Variants in CTNNA2 observed in about 807,000 individuals in gnomAD.
CTNNA2 encodes the protein catenin alpha-2.
Under a neutral mutation model 101.0 loss-of-function variants are expected in CTNNA2, and 42 were observed. That is an observed-to-expected ratio of 0.42 (90% CI 0.32 to 0.54). CTNNA2 has a LOEUF of 0.54. Among genes scored for constraint, CTNNA2 ranks in the 20% least tolerant of loss-of-function variants. The pLI is 0.14. For missense variants in CTNNA2, 871 were observed against 1,223.1 expected, an observed-to-expected ratio of 0.71 and a Z score of 4.29; for synonymous variants, 450 against 456.4, an observed-to-expected ratio of 0.99 and a Z score of 0.18.
At chr2:79,248,833 G>A (rs567206064) in intron 2 of CTNNA2, among the ~76,000 whole-genome samples, 1 of 152,300 alleles carries the variant, frequency 6.6e-6, no homozygotes, top group South Asian at 2.1e-4. Flanking sequence ...GTATGTGTAT[G>A]AATGAGACAC....
chr2:80,504,287 G>C (rs1688094282), intron 9 of CTNNA2, among the ~76,000 whole-genome samples: 1 of 152,132 alleles, frequency 6.6e-6, no homozygotes, highest in African/African-American at 2.4e-5. Flanking sequence ...GATGTTCCTT[G>C]CCACATGGTT....
intron 4 of CTNNA2, among the ~76,000 whole-genome samples, chr2:79,465,598 T>G (rs1670925289): frequency 6.6e-6 from 1 of 152,210 alleles, no homozygotes; most frequent in Admixed American, 6.5e-5. Context: ...ATGATATTGA[T>G]TCTTTCTATC....
At chr2:79,839,312 G>A (rs1015427421) in intron 3 of CTNNA2, among the ~76,000 whole-genome samples, 1 of 151,914 alleles carries the variant, frequency 6.6e-6, no homozygotes, top group Non-Finnish European at 1.5e-5. Context: ...ATTGTGTTGT[G>A]TCTGTCTTTT....
At chr2:79,626,969 G>A (rs1191605375) in intron 1 of CTNNA2, among the ~76,000 whole-genome samples, 3 of 152,114 alleles carry the variant, frequency 2.0e-5, no homozygotes, top group East Asian at 3.9e-4. Flanking sequence ...CCTGAGCATC[G>A]ATTGTGACTC....
chr2:79,889,998 C>T (rs1684189014), intron 6 of CTNNA2, among the ~76,000 whole-genome samples: 1 of 152,174 alleles, frequency 6.6e-6, no homozygotes, highest in Non-Finnish European at 1.5e-5. Flanking sequence ...AAGAGTGATT[C>T]TTAACGTGAG....
intron 1 of CTNNA2, among the ~76,000 whole-genome samples, chr2:79,544,582 T>A (rs540905366): frequency 6.6e-6 from 1 of 152,242 alleles, no homozygotes; most frequent in Non-Finnish European, 1.5e-5. Flanking sequence ...AAATAAGCTT[T>A]TTATGAAAGT....
chr2:79,360,390 A>G (rs1001139629), intron 3 of CTNNA2, among the ~76,000 whole-genome samples: 1 of 152,196 alleles, frequency 6.6e-6, no homozygotes, highest in African/African-American at 2.4e-5. Flanking sequence ...ACCAAGGAGC[A>G]TATATATTCT....
intron 3 of CTNNA2, among the ~76,000 whole-genome samples, chr2:79,786,685 A>G (rs1236481289): frequency 6.6e-6 from 1 of 152,110 alleles, no homozygotes; most frequent in Non-Finnish European, 1.5e-5. Context: ...GAGGAGTACC[A>G]TCCCATACCT....
chr2:79,637,732 G>C (rs768349202), intron 1 of CTNNA2, among the ~76,000 whole-genome samples: 1 of 152,134 alleles, frequency 6.6e-6, no homozygotes, highest in Admixed American at 6.5e-5. Context: ...TTCTTAGCCT[G>C]TTCTGCCCCA....
chr2:79,951,485 G>A (rs941561713), intron 7 of CTNNA2, among the ~76,000 whole-genome samples: 3 of 152,034 alleles, frequency 2.0e-5, no homozygotes, highest in Non-Finnish European at 2.9e-5. Flanking sequence ...GGCCAGCATG[G>A]TGAAACCCCA....
At chr2:79,379,187 G>A (rs920410674) in intron 4 of CTNNA2, among the ~76,000 whole-genome samples, 23 of 152,114 alleles carry the variant, frequency 1.5e-4, no homozygotes, top group Admixed American at 2.0e-4. Context: ...AATATATTCC[G>A]TATTACAAAA....
At chr2:80,256,408 A>T (rs1672153316) in intron 7 of CTNNA2, among the ~76,000 whole-genome samples, 1 of 152,156 alleles carries the variant, frequency 6.6e-6, no homozygotes, top group African/African-American at 2.4e-5. Flanking sequence ...CAGCTGCGGC[A>T]CATCTGAATA....
chr2:80,325,060 G>T (rs1316225174), intron 7 of CTNNA2, among the ~76,000 whole-genome samples: 2 of 152,046 alleles, frequency 1.3e-5, no homozygotes, highest in Non-Finnish European at 2.9e-5. Flanking sequence ...GAGAACAGGG[G>T]TTTCAATGCT....
At chr2:79,884,751 C>G (rs1275411051) in intron 6 of CTNNA2, among the ~76,000 whole-genome samples, 2 of 138,406 alleles carry the variant, frequency 1.4e-5, no homozygotes, top group Non-Finnish European at 3.1e-5. Flanking sequence ...TTTAAATATG[C>G]TTTTTTTTTT....
intron 4 of CTNNA2, among the ~76,000 whole-genome samples, chr2:79,453,190 TC>T (rs1270215267): frequency 2.0e-5 from 3 of 152,118 alleles, no homozygotes; most frequent in Non-Finnish European, 2.9e-5. Context: ...ACAATTAATG[TC>T]TTATATAAAT....
At chr2:80,587,639 A>C (rs966920652) in intron 14 of CTNNA2, among the ~76,000 whole-genome samples, 1 of 152,090 alleles carries the variant, frequency 6.6e-6, no homozygotes, top group Non-Finnish European at 1.5e-5. Context: ...CCTCTATTAG[A>C]CCTTAGTTAT....
intron 7 of CTNNA2, among the ~76,000 whole-genome samples, chr2:80,347,771 T>C (rs1388668357): frequency 1.3e-5 from 2 of 152,108 alleles, no homozygotes; most frequent in Non-Finnish European, 2.9e-5. Context: ...TGTCCACACC[T>C]CAGGATCTTT....
At chr2:80,583,377 C>A (rs936536329) in intron 14 of CTNNA2, among the ~76,000 whole-genome samples, 1 of 152,098 alleles carries the variant, frequency 6.6e-6, no homozygotes, top group African/African-American at 2.4e-5. Context: ...TCTATTTAAT[C>A]CCCCCTAAAA....
intron 6 of CTNNA2, among the ~76,000 whole-genome samples, chr2:79,875,572 G>T (rs1270009572): frequency 5.3e-5 from 8 of 152,128 alleles, no homozygotes; most frequent in Admixed American, 5.2e-4. Flanking sequence ...CAGGAGCAAA[G>T]CAATGATTGT....
Sources: gnomAD v4.1 joint callset for allele counts (sites outside exome capture counted in the v4.1 genomes callset) on GRCh38, gnomAD v4.1.1 for gene constraint, MANE v1.5 for transcripts, NCBI Gene and HGNC (gene_info 2026-07-23, HGNC 2026-07-21) for gene names.